The following NF2 variants were observed in gnomAD, a reference collection of about 807,000 sequenced individuals.
The protein encoded by NF2 is merlin.
In NF2, 8 loss-of-function variants were observed where a neutral mutation model predicts 83.7. The ratio of observed to expected loss-of-function variants is 0.10; its 90% CI spans 0.06 to 0.17. NF2 has a LOEUF of 0.17. Among genes scored for constraint, NF2 ranks in the 10% least tolerant of loss-of-function variants. The pLI is 1.00. For synonymous variants in NF2, 266 were observed against 269.6 expected (o/e 0.99, Z 0.13); for missense variants, 533 against 744.4 (o/e 0.72, Z 3.31).
intron 1 of NF2, among the ~76,000 whole-genome samples, chr22:29,607,979 C>A: frequency 6.6e-6 from 1 of 151,390 alleles, no homozygotes. Context: ...TCGAGACCAG[C>A]CTGACCAACA....
intron 13 of NF2, among the ~76,000 whole-genome samples, chr22:29,677,328 G>A (rs1238877140): frequency 2.0e-5 from 3 of 152,118 alleles, no homozygotes; most frequent in Non-Finnish European, 4.4e-5. Flanking sequence ...TTGAAAGAGG[G>A]ATGGAGCATA....
chr22:29,626,467 T>A (rs140845608), intron 1 of NF2, among the ~76,000 whole-genome samples: 8 of 152,286 alleles, frequency 5.3e-5, no homozygotes, highest in African/African-American at 1.7e-4. Flanking sequence ...TGCAGATATT[T>A]TTACCAGTCC....
At position 29,683,735 on chromosome 22, in the gene NF2, G is replaced by A. The variant is rs557574290; in HGVS notation, c.1737+2134G>A. On this transcript the variant is annotated intron_variant, in intron 15 of 15. Coordinates refer to ENST00000338641, the MANE Select transcript of NF2 (RefSeq NM_000268.4). ...CATAGGCTGAGCAGAGATGTGGTCA[G>A]AGTGAACTCACATTGGAACAGTACA... is the stretch of plus-strand genomic sequence containing the variant. 8.2e-5 allele frequency: 88 copies of A among 1,068,838 alleles called. No homozygotes were observed. The African/African-American group carries it at 1.2e-3, about 15-fold the overall frequency. 66.2% of individuals were successfully genotyped at this position (1,068,838 alleles called of 1,614,324 possible).
chr22:29,677,144 C>T (rs958089491), intron 13 of NF2, among the ~76,000 whole-genome samples: 1 of 152,102 alleles, frequency 6.6e-6, no homozygotes, highest in Non-Finnish European at 1.5e-5. Context: ...AGGAAACTTG[C>T]AAATAGTAGA....
At chr22:29,612,754 A>G (rs577180674) in intron 1 of NF2, among the ~76,000 whole-genome samples, 231 of 152,298 alleles carry the variant, frequency 1.5e-3, no homozygotes, top group African/African-American at 5.1e-3. Flanking sequence ...AAATTGATCT[A>G]CACGTTTGAC....
At chr22:29,691,086 C>T (rs2067392331) in intron 15 of NF2, among the ~76,000 whole-genome samples, 1 of 152,200 alleles carries the variant, frequency 6.6e-6, no homozygotes. Context: ...GGTTGTACAC[C>T]CTGAGGTGCT....
chr22:29,605,164 T>G (rs1397672644), intron 1 of NF2, among the ~76,000 whole-genome samples: 5 of 149,760 alleles, frequency 3.3e-5, no homozygotes, highest in Non-Finnish European at 1.5e-5. Context: ...TTTTTTTTTT[T>G]TTTTTTTTTG....
At chr22:29,680,712 G>T (rs558830499) in intron 14 of NF2, among the ~76,000 whole-genome samples, 1 of 152,312 alleles carries the variant, frequency 6.6e-6, no homozygotes, top group South Asian at 2.1e-4. Context: ...ATCTTTAGAT[G>T]AAGTCTCAGA....
In NF2 at chr22:29,698,569, T is replaced by A; in HGVS notation, c.*3767T>A. ...TGGGGAACGATTATAACTTAAATGA[T>A]TGTTTTAATAAAAATTCTAAGCTGG... On this transcript the variant is annotated 3_prime_UTR_variant, in exon 16 of 16. Coordinates refer to ENST00000338641, the MANE Select transcript of NF2 (RefSeq NM_000268.4). 5.4e-6 allele frequency: 1 copy of A among 185,818 alleles called. No individual in the cohort carries two copies. Among genetic ancestry groups the A allele is most frequent in the Non-Finnish European group, 1.1e-5 (1 of 87,664 alleles). 11.5% of individuals were successfully genotyped at this position (185,818 alleles called of 1,614,324 possible).
chr22:29,643,994 CG>C (rs1226126260), intron 4 of NF2, among the ~76,000 whole-genome samples: 1 of 149,742 alleles, frequency 6.7e-6, no homozygotes, highest in Non-Finnish European at 1.5e-5. Context: ...CCCTCCCGGA[CG>C]GGGCGGCTGG....
chr22:29,695,197 A>G lies in NF2; in HGVS notation c.*395A>G. ...ACTGAAGCCCTGAGAAGCCAGTGCC[A>G]TCATCCCCACCCCGCCCAGGGTTCC... On this transcript the variant is annotated 3_prime_UTR_variant, in exon 16 of 16. Coordinates refer to ENST00000338641, the MANE Select transcript of NF2 (RefSeq NM_000268.4). The surrounding 1 kb of genome is among the most constrained non-coding windows in gnomAD (Gnocchi z 5.4). 1 of 404,052 alleles carries G rather than the reference A, an allele frequency of 2.5e-6. No individual in the cohort carries two copies. Among genetic ancestry groups the G allele is most frequent in the African/African-American group, 2.0e-5 (1 of 50,796 alleles). 25.0% of individuals were successfully genotyped at this position (404,052 alleles called of 1,614,324 possible). A position where few individuals can be genotyped will look rare whatever the true frequency, so the allele number is the denominator to read the frequency against.
chr22:29,608,172 C>CAAA lies in NF2; in HGVS notation c.114+4083_114+4085dup, dbSNP rs570144418. Among the ~76,000 whole-genome samples, 219 of 31,680 alleles carry CAAA rather than the reference C, an allele frequency of 6.9e-3. 17 individuals carry two copies. Among genetic ancestry groups the CAAA allele is most frequent in the African/African-American group, 0.023 (161 of 6,984 alleles). 20.8% of individuals were successfully genotyped at this position (31,680 alleles called of 152,430 possible). Reference sequence around the variant, plus strand: ...TGGGCAACAGAGCAAGACTCTGTCTCAAAAAAAAAAAAAAAAAAAAAAAAA... The same window carrying CAAA: ...TGGGCAACAGAGCAAGACTCTGTCTCAAAAAAAAAAAAAAAAAAAAAAAAAAAA... On this transcript the variant is annotated intron_variant, in intron 1 of 15. Transcript: ENST00000338641.
intron 10 of NF2, among the ~76,000 whole-genome samples, chr22:29,669,687 G>C (rs539214038): frequency 6.6e-6 from 1 of 152,208 alleles, no homozygotes; most frequent in African/African-American, 2.4e-5. Context: ...GAACACTGCA[G>C]ATCGGCACTG....
chr22:29,622,581 A>G (rs1195909326), intron 1 of NF2, among the ~76,000 whole-genome samples: 3 of 149,152 alleles, frequency 2.0e-5, no homozygotes, highest in Non-Finnish European at 4.4e-5. Flanking sequence ...TTCAGACGAC[A>G]TTGTTTCTTT....
chr22:29,665,279 C>T (rs549577338), intron 9 of NF2, among the ~76,000 whole-genome samples: 23 of 149,972 alleles, frequency 1.5e-4, no homozygotes, highest in African/African-American at 3.2e-4. Context: ...CTCGCTCTGT[C>T]GCCCAGGCTG....
chr22:29,685,032 A>G (rs1453298193), intron 15 of NF2, among the ~76,000 whole-genome samples: 1 of 151,016 alleles, frequency 6.6e-6, no homozygotes, highest in Admixed American at 6.6e-5. Flanking sequence ...ATGCCTGGGG[A>G]TGAGATGCAA....
intron 1 of NF2, among the ~76,000 whole-genome samples, chr22:29,624,827 T>A (rs1030721604): frequency 1.3e-4 from 19 of 141,366 alleles, no homozygotes; most frequent in African/African-American, 4.7e-4. Flanking sequence ...CTTTCTTTCT[T>A]TCTTTCTTTC....
intron 1 of NF2, among the ~76,000 whole-genome samples, chr22:29,619,559 G>A (rs1601546443): frequency 6.7e-6 from 1 of 150,232 alleles, no homozygotes; most frequent in Non-Finnish European, 1.5e-5. Flanking sequence ...ATCATGCCAG[G>A]CTAATTTTTG....
At chr22:29,691,083 C>T (rs2067392157) in intron 15 of NF2, among the ~76,000 whole-genome samples, 1 of 152,232 alleles carries the variant, frequency 6.6e-6, no homozygotes, top group African/African-American at 2.4e-5. Flanking sequence ...CCTGGTTGTA[C>T]ACCCTGAGGT....
Sources: gnomAD v4.1 joint callset for allele counts (sites outside exome capture counted in the v4.1 genomes callset) on GRCh38, gnomAD v4.1.1 for gene constraint, Gnocchi (gnomAD v3.1) non-coding constraint, MANE v1.5 for transcripts, NCBI Gene and HGNC (gene_info 2026-07-23, HGNC 2026-07-21) for gene names.